The following PGAP1 variants were observed in gnomAD, a reference collection of about 807,000 sequenced individuals.
PGAP1 encodes GPI inositol-deacylase.
Under a neutral mutation model 127.0 loss-of-function variants are expected in PGAP1, and 76 were observed. The ratio of observed to expected loss-of-function variants is 0.60; its 90% confidence interval spans 0.50 to 0.72. PGAP1 has a LOEUF of 0.72. Ranked by LOEUF, PGAP1 falls within the 30% of genes least tolerant of loss-of-function variation. The pLI, the probability that PGAP1 is intolerant of heterozygous loss-of-function variation, is 0.00. For synonymous variants in PGAP1, 362 were observed against 366.5 expected, an observed-to-expected ratio of 0.99 and a Z score of 0.14; for missense variants, 982 against 1,071.3, an observed-to-expected ratio of 0.92 and a Z score of 1.16.
chr2:196,911,392 T>A (rs1576192395), intron 4 of PGAP1, among the ~76,000 whole-genome samples: 1 of 53,518 alleles, frequency 1.9e-5, no homozygotes. Context: ...CACTCATAGG[T>A]GGGAATTGAA....
chr2:196,885,810 T>C, intron 11 of PGAP1, 24 bp downstream of exon 11: 2 of 1,383,080 alleles, frequency 1.4e-6, no homozygotes, highest in Non-Finnish European at 1.9e-6. Context: ...TTGAGATAAA[T>C]GAACATGCAT....
Position 196,926,678 on chromosome 2 carries a change from C to T in PGAP1, c.-62G>A. 3 of 1,608,710 alleles carry T rather than the reference C, an allele frequency of 1.9e-6. No individual in the cohort carries two copies. Among genetic ancestry groups the T allele is most frequent in the South Asian group, 1.1e-5 (1 of 90,802 alleles). ...TCTACCTCCTTCTCCGCCGCGGGGCCCCAAGCCCGGACTGAGCGTGCTAGA... is the reference window on the plus strand; with the variant it reads ...TCTACCTCCTTCTCCGCCGCGGGGCTCCAAGCCCGGACTGAGCGTGCTAGA... On this transcript the variant is annotated 5_prime_UTR_variant, in exon 1 of 27. Transcript: ENST00000354764.
rs966492248 is a variant in PGAP1 at position 196,848,969 on chromosome 2, T to C, written c.1862-932A>G. 4.6e-5 allele frequency among the ~76,000 whole-genome samples: 7 copies of C among 152,204 alleles called. No individual in the cohort carries two copies. In the South Asian group the frequency reaches 1.4e-3, roughly 32 times the overall value. On this transcript the variant is annotated intron_variant, in intron 20 of 26. Transcript: ENST00000354764. ...TTTTCCACATCCTCATTAAAACTTATTATTTGTCTTTTTAAAATTATAGTC... is the reference window on the plus strand; with the variant it reads ...TTTTCCACATCCTCATTAAAACTTACTATTTGTCTTTTTAAAATTATAGTC...
intron 20 of PGAP1, among the ~76,000 whole-genome samples, chr2:196,857,610 A>G (rs573349638): frequency 1.3e-5 from 2 of 152,330 alleles, no homozygotes; most frequent in East Asian, 3.9e-4. Flanking sequence ...CAGAATCAAC[A>G]TGGTCATTTG....
rs1703299834 is a variant in PGAP1, at chr2:196,924,186, ATG to A, written c.147+2282_147+2283del. Among the ~76,000 whole-genome samples, 5 of 152,270 alleles carry A rather than the reference ATG, an allele frequency of 3.3e-5. No individual in the cohort carries two copies. The South Asian group carries it at 8.3e-4, about 25-fold the overall frequency. On this transcript the variant is annotated intron_variant, in intron 1 of 26. Transcript: ENST00000354764. ...TTAAAAAAATGGATAATAAAACTGA[ATG>A]TGTTTCAACCACCTTTCTATTTCTG...
chr2:196,861,663 C>T (rs1701069174), intron 20 of PGAP1, among the ~76,000 whole-genome samples: 1 of 152,154 alleles, frequency 6.6e-6, no homozygotes, highest in Non-Finnish European at 1.5e-5. Flanking sequence ...TGGAGAAACC[C>T]TGTCTGTTGT....
At chr2:196,864,746 G>A (rs1276681504) in intron 20 of PGAP1, among the ~76,000 whole-genome samples, 1 of 152,142 alleles carries the variant, frequency 6.6e-6, no homozygotes. Flanking sequence ...TAAAGATGCA[G>A]AGAAGGCTCA....
At position 196,835,187 on chromosome 2, in the gene PGAP1, A is replaced by G. The variant is rs1423340215; in HGVS notation, c.*6047T>C. On this transcript the variant is annotated 3_prime_UTR_variant, in exon 27 of 27. Transcript: ENST00000354764. ...AACAACATATTAATGTTAACACTTT[A>G]GTATTAATATCTTGTTTTATAATAT... The G allele has an allele frequency of 6.6e-6, 1 of 152,062 alleles. No homozygotes were observed. The highest frequency in any genetic ancestry group is 1.5e-5 in the Non-Finnish European group (1 of 67,904). 9.4% of individuals were successfully genotyped at this position (152,062 alleles called of 1,614,324 possible).
intron 1 of PGAP1, among the ~76,000 whole-genome samples, chr2:196,921,201 AAC>A (rs1295757927): frequency 3.3e-5 from 5 of 150,208 alleles, no homozygotes; most frequent in Non-Finnish European, 4.4e-5. Context: ...AAAAAAAAAA[AAC>A]ACACACACAC....
intron 26 of PGAP1, among the ~76,000 whole-genome samples, chr2:196,841,678 T>C (rs913461955): frequency 6.6e-6 from 1 of 152,028 alleles, no homozygotes; most frequent in South Asian, 2.1e-4. Flanking sequence ...CCACCACACC[T>C]GGCTAATTTT....
At chr2:196,846,088 C>T in intron 22 of PGAP1, 71 bp from the exon 23 acceptor site, 1 of 867,198 alleles carries the variant, frequency 1.2e-6, no homozygotes, top group Non-Finnish European at 1.6e-6. Flanking sequence ...AAGAAGAAAA[C>T]AATATAGTAC....
chr2:196,925,619 C>T (rs538680280), intron 1 of PGAP1, among the ~76,000 whole-genome samples: 3 of 152,160 alleles, frequency 2.0e-5, no homozygotes, highest in Non-Finnish European at 4.4e-5. Flanking sequence ...TGATTGAAAA[C>T]ATTCAAAATG....
At position 196,840,936 on chromosome 2, in the gene PGAP1, T is replaced by A; in HGVS notation, c.*298A>T. On this transcript the variant is annotated 3_prime_UTR_variant, in exon 27 of 27. Transcript: ENST00000354764. The stretch of plus-strand genomic sequence containing the variant: ...TAAATCTCTCATATCAGACTTCTCG[T>A]ACAGTTGATAAAACAGACTATTTTA... 4.3e-6 allele frequency: 1 copy of A among 234,480 alleles called. No homozygotes were observed. Among genetic ancestry groups the A allele is most frequent in the Non-Finnish European group, 8.2e-6 (1 of 122,280 alleles). The allele number at this position is 234,480 out of a possible 1,614,324, so 14.5% of individuals were successfully genotyped here.
At chr2:196,852,146 A>AAT (rs1700739305) in intron 20 of PGAP1, among the ~76,000 whole-genome samples, 1 of 152,156 alleles carries the variant, frequency 6.6e-6, no homozygotes, top group African/African-American at 2.4e-5. Flanking sequence ...ATCTTTCACA[A>AAT]ACCAGTGAGT....
intron 10 of PGAP1, among the ~76,000 whole-genome samples, chr2:196,886,652 T>C (rs985850539): frequency 6.6e-6 from 1 of 152,178 alleles, no homozygotes; most frequent in South Asian, 2.1e-4. Flanking sequence ...ATAATTTATA[T>C]ACTGTGTTTT....
At chr2:196,888,912 T>A (rs1702006178) in intron 10 of PGAP1, among the ~76,000 whole-genome samples, 1 of 152,180 alleles carries the variant, frequency 6.6e-6, no homozygotes, top group Admixed American at 6.5e-5. Flanking sequence ...AAAAAAAGTG[T>A]AAATAAATAA....
At chr2:196,889,692 TA>T (rs59354406) in intron 10 of PGAP1, among the ~76,000 whole-genome samples, 150,157 of 150,720 alleles carry the variant, frequency 1, 74,799 homozygotes, top group Middle Eastern at 1. Context: ...CTGTCTCTAC[TA>T]AAAAAAATAG....
In PGAP1 at chr2:196,841,700, G is replaced by C. The variant is rs529095499; in HGVS notation, c.2631-328C>G. Among the ~76,000 whole-genome samples, 24 of 152,132 alleles carry C rather than the reference G, an allele frequency of 1.6e-4. No homozygotes were observed. The South Asian group carries it at 4.6e-3, about 29-fold the overall frequency. Reference sequence around the variant, plus strand: ...ACCTGGCTAATTTTTTGTATTTTTAGTAGAGACGGGGTTTCACTGTGTTAG... The same window carrying C: ...ACCTGGCTAATTTTTTGTATTTTTACTAGAGACGGGGTTTCACTGTGTTAG... On this transcript the variant is annotated intron_variant, in intron 26 of 26. Transcript: ENST00000354764.
rs578038841 is a variant in PGAP1 at position 196,834,591 on chromosome 2, T to C, written c.*6643A>G. The C allele has an allele frequency of 2.6e-5, 4 of 152,534 alleles. No individual in the cohort carries two copies. In the South Asian group the frequency reaches 8.3e-4, roughly 32 times the overall value. 9.4% of individuals were successfully genotyped at this position (152,534 alleles called of 1,614,324 possible). A position where few individuals can be genotyped will look rare whatever the true frequency, so the allele number is the denominator to read the frequency against. ...ATAAGCTTCAGAAACTATAATACAA[T>C]CACTTCAAAATAATATGTCATTTTT... On this transcript the variant is annotated 3_prime_UTR_variant, in exon 27 of 27. Coordinates refer to ENST00000354764, the MANE Select transcript of PGAP1 (RefSeq NM_024989.4).
Sources: allele counts gnomAD v4.1 joint callset (sites outside exome capture counted in the v4.1 genomes callset), GRCh38; gene constraint gnomAD v4.1.1; transcripts MANE v1.5; gene names NCBI Gene and HGNC (gene_info 2026-07-23, HGNC 2026-07-21).